RBFOX1: variants seen among roughly 807,000 people sequenced by gnomAD.
RBFOX1 encodes the protein RNA binding fox-1 homolog 1.
In RBFOX1, 8 loss-of-function variants were observed where a neutral mutation model predicts 57.7. The ratio of observed to expected loss-of-function variants is 0.14; its 90% CI spans 0.08 to 0.25. The LOEUF is 0.25. Ranked by LOEUF, RBFOX1 falls within the 10% of genes least tolerant of loss-of-function variation. RBFOX1 has a pLI of 1.00. For synonymous variants in RBFOX1, 326 were observed against 222.4 expected, an observed-to-expected ratio of 1.47 and a Z score of -4.15; for missense variants, 611 against 548.5, an observed-to-expected ratio of 1.11 and a Z score of -1.14.
intron 2 of RBFOX1, among the ~76,000 whole-genome samples, chr16:6,533,554 A>C (rs1702203950): frequency 6.6e-6 from 1 of 152,082 alleles, no homozygotes; most frequent in African/African-American, 2.4e-5. Flanking sequence ...CTTAAGACCC[A>C]AGACATATGG....
At chr16:6,621,333 A>G (rs964347435) in intron 2 of RBFOX1, among the ~76,000 whole-genome samples, 7 of 152,178 alleles carry the variant, frequency 4.6e-5, no homozygotes, top group South Asian at 2.1e-4. Context: ...GTGTGGTGGC[A>G]GGCGCCTGTA....
chr16:7,057,192 A>G (rs558733083), intron 4 of RBFOX1, among the ~76,000 whole-genome samples: 2 of 152,182 alleles, frequency 1.3e-5, no homozygotes, highest in South Asian at 2.1e-4. Flanking sequence ...AGGAAAGACA[A>G]CATAAAGGGC....
At chr16:6,827,515 A>C (rs1421633899) in intron 3 of RBFOX1, among the ~76,000 whole-genome samples, 1 of 152,090 alleles carries the variant, frequency 6.6e-6, no homozygotes, top group Admixed American at 6.6e-5. Context: ...GATGTTTTCA[A>C]AGCCTGAGTG....
chr16:6,784,033 C>G (rs536273611), intron 3 of RBFOX1, among the ~76,000 whole-genome samples: 26 of 152,170 alleles, frequency 1.7e-4, no homozygotes, highest in African/African-American at 5.5e-4. Flanking sequence ...TTTATATTTT[C>G]TTTGCTTATT....
chr16:6,818,743 C>G (rs2090666149), intron 3 of RBFOX1, among the ~76,000 whole-genome samples: 1 of 152,150 alleles, frequency 6.6e-6, no homozygotes, highest in Non-Finnish European at 1.5e-5. Flanking sequence ...TAGAAAAAGC[C>G]CCAAGCTTCA....
intron 2 of RBFOX1, among the ~76,000 whole-genome samples, chr16:6,630,148 A>T (rs2098366004): frequency 6.6e-6 from 1 of 152,138 alleles, no homozygotes; most frequent in East Asian, 1.9e-4. Context: ...CTACTTCAGC[A>T]TCACCTTCAC....
intron 3 of RBFOX1, among the ~76,000 whole-genome samples, chr16:7,005,341 G>A (rs1596681022): frequency 1.3e-5 from 2 of 152,030 alleles, no homozygotes; most frequent in African/African-American, 4.8e-5. Context: ...GCTTGCTTTG[G>A]GGGAGAAAGA....
intron 3 of RBFOX1, among the ~76,000 whole-genome samples, chr16:5,634,660 C>A (rs1190475517): frequency 2.6e-5 from 4 of 152,152 alleles, no homozygotes; most frequent in Non-Finnish European, 4.4e-5. Flanking sequence ...TCATAGATCA[C>A]TCGGAGTCAA....
chr16:7,132,241 A>C (rs1006240787), intron 4 of RBFOX1, among the ~76,000 whole-genome samples: 5 of 152,030 alleles, frequency 3.3e-5, no homozygotes, highest in African/African-American at 4.8e-5. Context: ...TCGGCCTCCC[A>C]AAGTGCTGGG....
At chr16:6,040,969 C>A (rs1194105605) in intron 1 of RBFOX1, among the ~76,000 whole-genome samples, 1 of 152,076 alleles carries the variant, frequency 6.6e-6, no homozygotes, top group East Asian at 1.9e-4. Context: ...TTGATGGGCC[C>A]TTGTTGGGTT....
At position 6,459,522 on chromosome 16, in the gene RBFOX1, T is replaced by C. The variant is rs185939271; in HGVS notation, c.-64+142465T>C. 5.2e-4 allele frequency among the ~76,000 whole-genome samples: 79 copies of C among 152,320 alleles called. 4 individuals are homozygous for C. In the East Asian group the frequency reaches 0.014, roughly 28 times the overall value. On this transcript the variant is annotated intron_variant, in intron 2 of 15. Coordinates refer to ENST00000550418, the MANE Select transcript of RBFOX1 (RefSeq NM_018723.4). ...AGAAAGAAAATCGCTTTAGAGCTGA[T>C]CAGTCACTGACCTCTATATCTCATC...
chr16:5,456,927 G>C (rs1338459872), intron 1 of RBFOX1, among the ~76,000 whole-genome samples: 1 of 152,054 alleles, frequency 6.6e-6, no homozygotes, highest in South Asian at 2.1e-4. Context: ...CCACCTCTAG[G>C]CCTTTATCTT....
At chr16:5,504,856 A>G (rs562492260) in intron 2 of RBFOX1, among the ~76,000 whole-genome samples, 6 of 152,320 alleles carry the variant, frequency 3.9e-5, no homozygotes, top group African/African-American at 1.4e-4. Context: ...ACCCCTGTGG[A>G]GAAGGAAGGA....
At chr16:6,708,575 A>G (rs1281594592) in intron 3 of RBFOX1, among the ~76,000 whole-genome samples, 2 of 152,186 alleles carry the variant, frequency 1.3e-5, no homozygotes, top group African/African-American at 2.4e-5. Flanking sequence ...GATGCTCTTA[A>G]TTGCTTTTAC....
intron 3 of RBFOX1, among the ~76,000 whole-genome samples, chr16:5,707,801 A>G (rs2051308705): frequency 6.6e-6 from 1 of 152,218 alleles, no homozygotes; most frequent in Non-Finnish European, 1.5e-5. Context: ...ACTTGCTGCT[A>G]AGACACTTGA....
At chr16:6,165,658 T>A (rs1340219693) in intron 1 of RBFOX1, among the ~76,000 whole-genome samples, 1 of 152,220 alleles carries the variant, frequency 6.6e-6, no homozygotes, top group Non-Finnish European at 1.5e-5. Context: ...TTGAATTTTG[T>A]CTGATAAATG....
In RBFOX1 at chr16:7,366,301, C is replaced by T. The variant is rs1266863286; in HGVS notation, c.28-151846C>T. Among the ~76,000 whole-genome samples the T allele has an allele frequency of 2.6e-5, 4 of 152,344 alleles. No homozygotes were observed. In the South Asian group the frequency reaches 8.3e-4, roughly 32 times the overall value. ...GCTGTGTCAGAGAATGTCACTTAGC[C>T]ATTGCCAGATCGTTGAGCACCCTGG... is the stretch of plus-strand genomic sequence containing the variant. On this transcript the variant is annotated intron_variant, in intron 4 of 15. Coordinates refer to ENST00000550418, the MANE Select transcript of RBFOX1 (RefSeq NM_018723.4).
chr16:5,466,464 C>T (rs1420175095), intron 1 of RBFOX1, among the ~76,000 whole-genome samples: 1 of 152,086 alleles, frequency 6.6e-6, no homozygotes, highest in Non-Finnish European at 1.5e-5. Context: ...GGGGGTATTT[C>T]AACTCCTGGG....
intron 3 of RBFOX1, among the ~76,000 whole-genome samples, chr16:6,692,682 A>T (rs1274658960): frequency 1.3e-5 from 2 of 151,830 alleles, no homozygotes; most frequent in Non-Finnish European, 2.9e-5. Flanking sequence ...TTTCCCTTTA[A>T]CCAACACCTA....
Sources: allele counts gnomAD v4.1 joint callset (sites outside exome capture counted in the v4.1 genomes callset), GRCh38; gene constraint gnomAD v4.1.1; transcripts MANE v1.5; gene names NCBI Gene and HGNC (gene_info 2026-07-23, HGNC 2026-07-21).